The following MALRD1 variants were observed in gnomAD, a reference collection of about 807,000 sequenced individuals.
MALRD1 encodes MAM and LDL-receptor class A domain-containing protein 1.
In MALRD1, 247 loss-of-function variants were observed where a neutral mutation model predicts 242.1. The observed-to-expected ratio is 1.02, with a 90% confidence interval of 0.92 to 1.13. The LOEUF (loss-of-function observed/expected upper bound fraction) is 1.13. MALRD1 is among the 50% of genes most tolerant of loss of function. The pLI, the probability that MALRD1 is intolerant of heterozygous loss-of-function variation, is 0.00. For missense variants in MALRD1, 2,989 were observed against 2,533.1 expected (o/e 1.18, Z -3.86); for synonymous variants, 995 against 866.6 (o/e 1.15, Z -2.60).
chr10:19,406,038 C>T (rs930022415), intron 28 of MALRD1, among the ~76,000 whole-genome samples: 4 of 152,088 alleles, frequency 2.6e-5, no homozygotes, highest in Non-Finnish European at 5.9e-5. Flanking sequence ...GCTTACTACT[C>T]ATTATCTTGG....
chr10:19,606,459 C>T (rs1838628996), intron 34 of MALRD1, among the ~76,000 whole-genome samples: 1 of 152,130 alleles, frequency 6.6e-6, no homozygotes, highest in African/African-American at 2.4e-5. Flanking sequence ...CTATCTACTG[C>T]TGCCTTTGAC....
At chr10:19,433,896 A>G (rs1215299943) in intron 28 of MALRD1, among the ~76,000 whole-genome samples, 1 of 152,104 alleles carries the variant, frequency 6.6e-6, no homozygotes, top group Non-Finnish European at 1.5e-5. Context: ...ACACGCGCAC[A>G]CACACACAGG....
intron 36 of MALRD1, among the ~76,000 whole-genome samples, chr10:19,655,737 C>A (rs960360092): frequency 6.6e-6 from 1 of 151,546 alleles, no homozygotes; most frequent in Admixed American, 6.6e-5. Flanking sequence ...TCATTATTAC[C>A]ACATCTCTGA....
chr10:19,215,812 A>C, intron 18 of MALRD1, among the ~76,000 whole-genome samples: 1 of 51,822 alleles, frequency 1.9e-5, no homozygotes, highest in South Asian at 3.5e-4. Flanking sequence ...TATTTATATA[A>C]ATAATTAGTA....
chr10:19,399,159 T>A (rs187266788), intron 28 of MALRD1, among the ~76,000 whole-genome samples: 1 of 152,262 alleles, frequency 6.6e-6, no homozygotes, highest in East Asian at 1.9e-4. Flanking sequence ...GCTGTCCATT[T>A]GCCCACGGAA....
chr10:19,519,396 T>C (rs1833780976), intron 31 of MALRD1, among the ~76,000 whole-genome samples: 1 of 152,170 alleles, frequency 6.6e-6, no homozygotes, highest in Non-Finnish European at 1.5e-5. Context: ...AAATGAACAG[T>C]TATTAATATT....
At chr10:19,086,451 A>G (rs1331707923) in intron 2 of MALRD1, among the ~76,000 whole-genome samples, 1 of 152,044 alleles carries the variant, frequency 6.6e-6, no homozygotes, top group African/African-American at 2.4e-5. Flanking sequence ...AACTCACAAT[A>G]AAGCATCACA....
chr10:19,718,696 T>C (rs1436151834), intron 38 of MALRD1, among the ~76,000 whole-genome samples: 1 of 152,204 alleles, frequency 6.6e-6, no homozygotes, highest in Non-Finnish European at 1.5e-5. Context: ...GGTTGAATAA[T>C]GCTGTGTCAA....
chr10:19,325,551 A>G (rs549113069), intron 22 of MALRD1, among the ~76,000 whole-genome samples: 44 of 152,156 alleles, frequency 2.9e-4, no homozygotes, highest in African/African-American at 1.0e-3. Flanking sequence ...CGTGAGTAAT[A>G]TGCGTAGACA....
At chr10:19,047,697 A>G (rs114398363), upstream of MALRD1, among the ~76,000 whole-genome samples, 521 of 152,270 alleles carry the variant, frequency 3.4e-3, 2 homozygotes, top group African/African-American at 0.012. Context: ...TGGAGTGCTC[A>G]GAGGAAAGGC....
chr10:19,255,537 G>A (rs1427902299), intron 18 of MALRD1, among the ~76,000 whole-genome samples: 1 of 151,884 alleles, frequency 6.6e-6, no homozygotes, highest in East Asian at 1.9e-4. Context: ...TGTTGCTGAA[G>A]TGTGATTATT....
chr10:19,343,707 A>G (rs1843984836), intron 24 of MALRD1, among the ~76,000 whole-genome samples: 1 of 152,092 alleles, frequency 6.6e-6, no homozygotes, highest in Admixed American at 6.6e-5. Context: ...TTGCTTAGTC[A>G]TGTTTCATGC....
At chr10:19,276,079 G>A (rs1295848395) in intron 19 of MALRD1, among the ~76,000 whole-genome samples, 2 of 152,106 alleles carry the variant, frequency 1.3e-5, no homozygotes, top group East Asian at 3.9e-4. Flanking sequence ...CATCTCTGTG[G>A]AATTAAAATC....
At chr10:19,080,511 A>G (rs552259558) in intron 2 of MALRD1, among the ~76,000 whole-genome samples, 4 of 152,196 alleles carry the variant, frequency 2.6e-5, no homozygotes, top group South Asian at 2.1e-4. Flanking sequence ...AAAACAAGCT[A>G]TGGGGAAAGG....
chr10:19,060,599 A>G (rs1289343838), intron 1 of MALRD1, among the ~76,000 whole-genome samples: 1 of 152,110 alleles, frequency 6.6e-6, no homozygotes, highest in Non-Finnish European at 1.5e-5. Flanking sequence ...AGTTAAGCCT[A>G]TGCCCTCTGT....
At chr10:19,068,284 C>T (rs1004279280) in intron 2 of MALRD1, among the ~76,000 whole-genome samples, 5 of 152,034 alleles carry the variant, frequency 3.3e-5, no homozygotes, top group African/African-American at 1.2e-4. Context: ...TTTCTTCTCT[C>T]TCTCTTTCCT....
chr10:19,368,104 A>G (rs1242973148), intron 26 of MALRD1, among the ~76,000 whole-genome samples: 1 of 151,722 alleles, frequency 6.6e-6, no homozygotes, highest in Non-Finnish European at 1.5e-5. Context: ...AAAACTTTTT[A>G]TTTTTATATA....
At chr10:19,257,535 C>T (rs181392334) in intron 18 of MALRD1, 149 bp from the exon 19 acceptor site, 6,414 of 567,394 alleles carry the variant, frequency 0.011, 66 homozygotes, top group Non-Finnish European at 0.014. Flanking sequence ...AAGATGACCA[C>T]TTCTGGAGAC....
chr10:19,111,961 G>C lies in MALRD1; in HGVS notation c.694+7886G>C, dbSNP rs750599266. Among the ~76,000 whole-genome samples, 9 of 152,132 alleles carry C rather than the reference G, an allele frequency of 5.9e-5. No homozygotes were observed. The South Asian group carries it at 8.3e-4, about 14-fold the overall frequency. On this transcript the variant is annotated intron_variant, in intron 5 of 39. Coordinates refer to ENST00000454679, the MANE Select transcript of MALRD1 (RefSeq NM_001142308.3). Reference sequence around the variant, plus strand: ...CACTTTGTAAATGGCAGAAATGTGAGAGATTGTAAAATTAAGTAGCATTAA... The same window carrying C: ...CACTTTGTAAATGGCAGAAATGTGACAGATTGTAAAATTAAGTAGCATTAA...
Sources: gnomAD v4.1 joint callset for allele counts (sites outside exome capture counted in the v4.1 genomes callset) on GRCh38, gnomAD v4.1.1 for gene constraint, MANE v1.5 for transcripts, NCBI Gene and HGNC (gene_info 2026-07-23, HGNC 2026-07-21) for gene names.